The following NTN4 variants were observed in gnomAD, a reference collection of about 807,000 sequenced individuals.
The protein encoded by NTN4 is netrin 4.
Under a neutral mutation model 73.6 loss-of-function variants are expected in NTN4, and 32 were observed. The ratio of observed to expected loss-of-function variants is 0.44; its 90% CI spans 0.33 to 0.58. The LOEUF (loss-of-function observed/expected upper bound fraction) is 0.58. Among genes scored for constraint, NTN4 ranks in the 20% least tolerant of loss-of-function variants. The pLI is 0.04. For synonymous variants in NTN4, 258 were observed against 287.5 expected, an observed-to-expected ratio of 0.90 and a Z score of 1.04; for missense variants, 654 against 798.3, an observed-to-expected ratio of 0.82 and a Z score of 2.18.
chr12:95,774,066 T>G (rs1197937154), intron 2 of NTN4, among the ~76,000 whole-genome samples: 1 of 152,170 alleles, frequency 6.6e-6, no homozygotes, highest in East Asian at 1.9e-4. Flanking sequence ...GTAAAAGCAG[T>G]AACTTTATTA....
intron 2 of NTN4, among the ~76,000 whole-genome samples, chr12:95,746,448 A>G (rs973098876): frequency 6.6e-6 from 1 of 151,974 alleles, no homozygotes; most frequent in Non-Finnish European, 1.5e-5. Flanking sequence ...TTCGGGGCCG[A>G]GAGAACTTTG....
At chr12:95,778,680 A>G (rs2079111443) in intron 2 of NTN4, among the ~76,000 whole-genome samples, 1 of 152,144 alleles carries the variant, frequency 6.6e-6, no homozygotes, top group Admixed American at 6.5e-5. Context: ...TAGCTTACCA[A>G]CCAAAAAAAG....
intron 3 of NTN4, among the ~76,000 whole-genome samples, chr12:95,730,288 C>T (rs2078728600): frequency 6.6e-6 from 1 of 152,194 alleles, no homozygotes; most frequent in Non-Finnish European, 1.5e-5. Flanking sequence ...GGAGACTCAA[C>T]CTTACTTTCC....
intron 5 of NTN4, among the ~76,000 whole-genome samples, chr12:95,696,648 AC>A (rs140365849): frequency 0.025 from 3,862 of 152,064 alleles, 143 homozygotes; most frequent in African/African-American, 0.087. Flanking sequence ...GTTTTGATGA[AC>A]CTCCTAGAAG....
intron 2 of NTN4, among the ~76,000 whole-genome samples, chr12:95,759,495 T>G (rs1273944126): frequency 1.3e-5 from 2 of 151,022 alleles, no homozygotes; most frequent in Admixed American, 6.6e-5. Context: ...ATTTTTGTTT[T>G]TTTTTTTTTT....
At chr12:95,727,906 T>A (rs1252976646) in intron 3 of NTN4, among the ~76,000 whole-genome samples, 1 of 152,212 alleles carries the variant, frequency 6.6e-6, no homozygotes, top group African/African-American at 2.4e-5. Context: ...ATTTTAATAA[T>A]ATTAAGCCTT....
intron 2 of NTN4, among the ~76,000 whole-genome samples, chr12:95,761,552 C>T (rs879618876): frequency 3.9e-5 from 6 of 151,970 alleles, no homozygotes; most frequent in African/African-American, 9.7e-5. Context: ...AGGCTGGTCT[C>T]GAACTCCTGA....
rs2079192548 is a variant in NTN4 at position 95,789,512 on chromosome 12, G to A, written c.55+743C>T. ...TACAGAAACCACGAGCCAGGAGCCG[G>A]TGGCCTAGGGCAGCCCAAGAAAGCC... On this transcript the variant is annotated intron_variant, in intron 1 of 9. Transcript: ENST00000343702. The surrounding 1 kb of genome is among the most constrained non-coding windows in gnomAD (Gnocchi z 4.0). Among the ~76,000 whole-genome samples, 1 of 152,200 alleles carries A rather than the reference G, an allele frequency of 6.6e-6. No individual in the cohort carries two copies. Among genetic ancestry groups the A allele is most frequent in the African/African-American group, 2.4e-5 (1 of 41,444 alleles).
At chr12:95,768,736 A>C (rs4762620) in intron 2 of NTN4, among the ~76,000 whole-genome samples, 52,158 of 152,064 alleles carry the variant, frequency 0.34, 9,560 homozygotes, top group East Asian at 0.62. Flanking sequence ...CGAGACAGAA[A>C]AGAACATTCA....
At chr12:95,711,305 C>T (rs1018574469) in intron 4 of NTN4, among the ~76,000 whole-genome samples, 37 of 152,110 alleles carry the variant, frequency 2.4e-4, no homozygotes, top group African/African-American at 7.0e-4. Context: ...AACTTACCAA[C>T]GGGGATTGAC....
intron 9 of NTN4, 57 bp from the exon 10 acceptor site, chr12:95,659,279 T>A: frequency 7.4e-7 from 1 of 1,350,328 alleles, no homozygotes; most frequent in South Asian, 1.4e-5. Context: ...AAGGGAGAGA[T>A]GTGACTCCAG....
At chr12:95,758,106 GA>G (rs1459174146) in intron 2 of NTN4, among the ~76,000 whole-genome samples, 1 of 152,200 alleles carries the variant, frequency 6.6e-6, no homozygotes, top group East Asian at 1.9e-4. Flanking sequence ...CTTAGGAGAG[GA>G]ATTGCTAGGT....
chr12:95,672,686 C>T (rs1278437283), intron 7 of NTN4: 1 of 1,452,430 alleles, frequency 6.9e-7, no homozygotes, highest in East Asian at 2.3e-5. Flanking sequence ...CTGCTGGAGC[C>T]TGACCATCCT....
At chr12:95,703,890 G>A (rs80265192) in intron 5 of NTN4, among the ~76,000 whole-genome samples, 1,859 of 152,166 alleles carry the variant, frequency 0.012, 36 homozygotes, top group African/African-American at 0.042. Context: ...TAAGTGCATA[G>A]AACCCTTGTT....
chr12:95,685,313 CT>C (rs1004148039), intron 5 of NTN4, among the ~76,000 whole-genome samples: 3 of 152,230 alleles, frequency 2.0e-5, no homozygotes, highest in African/African-American at 7.2e-5. Context: ...TCTGGATAAT[CT>C]TTTCTCCATT....
At chr12:95,744,221 T>C (rs1178667823) in intron 2 of NTN4, among the ~76,000 whole-genome samples, 2 of 152,222 alleles carry the variant, frequency 1.3e-5, no homozygotes, top group Admixed American at 6.5e-5. Context: ...GATTGTTATA[T>C]CCTCTTGATG....
At chr12:95,747,376 G>A (rs1398134321) in intron 2 of NTN4, among the ~76,000 whole-genome samples, 1 of 151,926 alleles carries the variant, frequency 6.6e-6, no homozygotes, top group Non-Finnish European at 1.5e-5. Flanking sequence ...GAGTCTAGTG[G>A]CACAATCATA....
Position 95,738,118 on chromosome 12 carries a change from T to C in NTN4, c.612A>G (p.Pro204=), listed in dbSNP as rs993126501. 5 of 1,613,632 alleles carry C rather than the reference T, an allele frequency of 3.1e-6. No individual in the cohort carries two copies. The African/African-American group carries it at 5.3e-5, about 17-fold the overall frequency. ...CACTGTAAGGGTTCTCTGTATCGTATGGTGGTGACAAAGCTTTGAAAATAA... is the reference window on the plus strand; with the variant it reads ...CACTGTAAGGGTTCTCTGTATCGTACGGTGGTGACAAAGCTTTGAAAATAA... ...GEVIFKALSP[P]YDTENPYSAK... The change falls in exon 3 of 10, where the codon CCA becomes CCG. Residue 204 remains proline, a synonymous_variant. Coordinates refer to ENST00000343702, the MANE Select transcript of NTN4 (RefSeq NM_021229.4).
intron 7 of NTN4, among the ~76,000 whole-genome samples, chr12:95,680,041 T>C (rs2078303853): frequency 6.6e-6 from 1 of 152,214 alleles, no homozygotes; most frequent in Admixed American, 6.5e-5. Flanking sequence ...GGGCTTACCC[T>C]GATCACCTTA....
Sources: allele counts gnomAD v4.1 joint callset (sites outside exome capture counted in the v4.1 genomes callset), GRCh38; gene constraint gnomAD v4.1.1; non-coding constraint Gnocchi (gnomAD v3.1); transcripts MANE v1.5; gene names NCBI Gene and HGNC (gene_info 2026-07-23, HGNC 2026-07-21).